MTMR4: variants seen among roughly 807,000 people sequenced by gnomAD.
MTMR4 encodes the protein phosphatidylinositol-3,5-bisphosphate 3-phosphatase MTMR4.
A neutral mutation model predicts 125.5 loss-of-function variants in MTMR4; 30 were observed. That is an observed-to-expected ratio of 0.24 (90% CI 0.18 to 0.32). MTMR4 has a LOEUF of 0.32. MTMR4 is among the 10% of genes least tolerant of loss of function. MTMR4 has a pLI of 1.00. For synonymous variants in MTMR4, 498 were observed against 564.5 expected (o/e 0.88, Z 1.67); for missense variants, 1,039 against 1,511.5 (o/e 0.69, Z 5.18).
In MTMR4 at chr17:58,512,552, C is replaced by A; in HGVS notation, c.136-46G>T. The A allele has an allele frequency of 1.4e-6, 2 of 1,445,986 alleles. No individual in the cohort carries two copies. Among genetic ancestry groups the A allele is most frequent in the Non-Finnish European group, 1.9e-6 (2 of 1,028,722 alleles). The allele number at this position is 1,445,986 out of a possible 1,614,324, so 89.6% of individuals were successfully genotyped here. ...CTTCAGTCCAGAAGTGAGTGACCAC[C>A]TTATCCTCTTCTACAGCCCCTGATC... On this transcript the variant is annotated intron_variant, in intron 2 of 17. Transcript: ENST00000682306. The surrounding 1 kb of genome is among the most constrained non-coding windows in gnomAD (Gnocchi z 4.1).
intron 7 of MTMR4, 79 bp from the exon 8 acceptor site, chr17:58,507,398 C>T: frequency 7.4e-7 from 1 of 1,345,726 alleles, no homozygotes; most frequent in South Asian, 1.4e-5. Flanking sequence ...AGACCAAAGT[C>T]TCTAGAGCCA....
intron 1 of MTMR4, among the ~76,000 whole-genome samples, chr17:58,513,282 T>C (rs2007993): frequency 0.19 from 28,611 of 151,904 alleles, 2,876 homozygotes; most frequent in Non-Finnish European, 0.22. Context: ...CGCATAAGGG[T>C]AAGGCAGGAG....
intron 8 of MTMR4, 121 bp from the exon 9 acceptor site, chr17:58,506,992 T>C: frequency 1.3e-6 from 2 of 1,551,136 alleles, no homozygotes; most frequent in East Asian, 2.3e-5. Context: ...CCCCACAGCT[T>C]CTGACAAGGC....
At chr17:58,511,559 C>T (rs1276793326) in intron 3 of MTMR4, 48 bp from the exon 4 acceptor site, 4 of 1,490,544 alleles carry the variant, frequency 2.7e-6, no homozygotes, top group African/African-American at 1.4e-5. Flanking sequence ...CTGGGTACCA[C>T]TCCTCACCCT....
chr17:58,498,420 C>A (rs1191051350), intron 14 of MTMR4, among the ~76,000 whole-genome samples: 1 of 149,790 alleles, frequency 6.7e-6, no homozygotes, highest in Non-Finnish European at 1.5e-5. Context: ...GCTAGGAGGT[C>A]AAGGAAGGCT....
chr17:58,511,351 C>A, intron 4 of MTMR4, 78 bp downstream of exon 4: 2 of 1,253,846 alleles, frequency 1.6e-6, no homozygotes, highest in Non-Finnish European at 2.2e-6. Flanking sequence ...TCCTCTCTTG[C>A]ACCAGAGAAA....
Position 58,495,214 on chromosome 17 carries a change from T to C in MTMR4, c.2970A>G (p.Gly990=). Residue 990 remains glycine, a synonymous_variant, in exon 15 of 18, where the codon GGA becomes GGG. Coordinates refer to ENST00000682306, the MANE Select transcript of MTMR4 (RefSeq NM_001378067.1). The part of the protein sequence containing the change: ...SHSNGHCTGP[G]GKNQMWLSSH... ...TGGACAACCACATCTGGTTCTTTCC[T>C]CCTGGGCCAGTACAATGTCCATTGG... is the stretch of plus-strand genomic sequence containing the variant. 1.2e-6 allele frequency: 2 copies of C among 1,614,216 alleles called. No homozygotes were observed. The highest frequency in any genetic ancestry group is 1.7e-6 in the Non-Finnish European group (2 of 1,180,048).
Position 58,506,884 on chromosome 17 carries a change from C to G in MTMR4, c.905-13G>C. 1 of 1,608,576 alleles carries G rather than the reference C, an allele frequency of 6.2e-7. No individual in the cohort carries two copies. The highest frequency in any genetic ancestry group is 8.5e-7 in the Non-Finnish European group (1 of 1,178,074). ...GTCAGAGAAGAATCTAAACACACAG[C>G]AGGAAGGAGTCCCTGAGTCAGCCAG... is the stretch of plus-strand genomic sequence containing the variant. On this transcript the variant is annotated splice_polypyrimidine_tract_variant and intron_variant, in intron 8 of 17. Coordinates refer to ENST00000682306, the MANE Select transcript of MTMR4 (RefSeq NM_001378067.1).
rs1161225184 is a variant in MTMR4, at chr17:58,508,560, C to T, written c.501G>A (p.Glu167=). ...CCGCCTCCTGTCGACAACGTATGTG[C>T]TCACCTGCAACAGAGCCCCCACGAT... The part of the protein sequence containing the change: ...DQHTHLCQPG[E]HIRCRQEAEL... Residue 167 remains glutamate (E), a synonymous_variant, in exon 6 of 18, where the codon GAG becomes GAA. Coordinates refer to ENST00000682306, the MANE Select transcript of MTMR4 (RefSeq NM_001378067.1). The surrounding 1 kb of genome is among the most constrained non-coding windows in gnomAD (Gnocchi z 4.8). The T allele has an allele frequency of 6.2e-7, 1 of 1,614,110 alleles. No individual in the cohort carries two copies. The highest frequency in any genetic ancestry group is 1.3e-5 in the African/African-American group (1 of 74,928).
At chr17:58,501,660 A>G (rs1159510939) in intron 14 of MTMR4, among the ~76,000 whole-genome samples, 1 of 151,558 alleles carries the variant, frequency 6.6e-6, no homozygotes, top group Non-Finnish European at 1.5e-5. Flanking sequence ...ACGGATATAT[A>G]TACATATATG....
At position 58,496,133 on chromosome 17, in the gene MTMR4, A is replaced by T. The variant is rs1975460888; in HGVS notation, c.2051T>A (p.Val684Glu). 6.2e-7 allele frequency: 1 copy of T among 1,614,064 alleles called. No homozygotes were observed. The highest frequency in any genetic ancestry group is 1.3e-5 in the African/African-American group (1 of 74,918). Residue 684 changes from valine to glutamate, a missense_variant, in exon 15 of 18, where the codon GTA (valine) becomes GAA (glutamate). This residue lies in a region of MTMR4 where 619 missense variants were observed against 714.5 expected (regional missense o/e 0.87). Transcript: ENST00000682306. The stretch of plus-strand genomic sequence containing the variant: ...AGGAGGAGGAAGACCCACTTCTCCT[A>T]CAGTTTGCTGAGGCCCTCCTACCCC... ...DSGVGGPQQT[V>E]GEVGLPPPLP...
Position 58,508,925 on chromosome 17 carries a change from G to T in MTMR4, c.336-84C>A. On this transcript the variant is annotated intron_variant, in intron 4 of 17. Transcript: ENST00000682306. The surrounding 1 kb of genome is among the most constrained non-coding windows in gnomAD (Gnocchi z 4.8). ...ATCAGGGCCAAAAACACAGCCACAG[G>T]AAGGCTGTGAGGAGAGAAGGCTGCA... 1 of 1,478,844 alleles carries T rather than the reference G, an allele frequency of 6.8e-7. No homozygotes were observed. Among genetic ancestry groups the T allele is most frequent in the Non-Finnish European group, 9.3e-7 (1 of 1,080,708 alleles). The allele number at this position is 1,478,844 out of a possible 1,614,324, so 91.6% of individuals were successfully genotyped here. A position where few individuals can be genotyped will look rare whatever the true frequency, so the allele number is the denominator to read the frequency against.
At chr17:58,511,397 AG>A in intron 4 of MTMR4, 31 bp downstream of exon 4, 1 of 1,578,888 alleles carries the variant, frequency 6.3e-7, no homozygotes, top group Admixed American at 1.7e-5. Context: ...GACTAGGGCC[AG>A]GGGACCTGAG....
Position 58,491,604 on chromosome 17 carries a change from C to T in MTMR4, c.*59G>A. ...CCACACCAAGGAACCTTCCAAACTA[C>T]AACTGAAGAAGATCCTCCCTTCAAA... On this transcript the variant is annotated 3_prime_UTR_variant, in exon 18 of 18. Coordinates refer to ENST00000682306, the MANE Select transcript of MTMR4 (RefSeq NM_001378067.1). The T allele has an allele frequency of 6.5e-7, 1 of 1,537,828 alleles. No homozygotes were observed. Among genetic ancestry groups the T allele is most frequent in the Non-Finnish European group, 8.9e-7 (1 of 1,125,616 alleles).
At chr17:58,492,468 C>T in intron 17 of MTMR4, 43 bp downstream of exon 17, 9 of 1,491,410 alleles carry the variant, frequency 6.0e-6, no homozygotes, top group Non-Finnish European at 8.0e-6. Flanking sequence ...TGCGCCTGGC[C>T]TGCCCTGTTT....
At chr17:58,506,065 A>G (rs1315337220) in intron 9 of MTMR4, among the ~76,000 whole-genome samples, 2 of 152,260 alleles carry the variant, frequency 1.3e-5, no homozygotes, top group African/African-American at 2.4e-5. Flanking sequence ...CTGGAGACTC[A>G]GGTGCCATAT....
chr17:58,492,181 T>C (rs1567924442), intron 17 of MTMR4, among the ~76,000 whole-genome samples: 1 of 152,244 alleles, frequency 6.6e-6, no homozygotes, highest in Non-Finnish European at 1.5e-5. Context: ...TTTTGTTTTT[T>C]GTCCTTTTTG....
intron 9 of MTMR4, 92 bp downstream of exon 9, chr17:58,506,651 C>G: frequency 6.6e-7 from 1 of 1,507,284 alleles, no homozygotes; most frequent in African/African-American, 1.4e-5. Context: ...TTTGTTTGGG[C>G]TCTTTCCACT....
chr17:58,512,472 T>C lies in MTMR4; in HGVS notation c.170A>G (p.Glu57Gly). Reference protein sequence around the residue: ...PFTVLQGEGVEFLGRAADALI... With the variant: ...PFTVLQGEGVGFLGRAADALI... ...GGCATCGGCTGCCCGGCCCAGGAACTCTACTCCCTCACCCTGCAGCACTGT... is the reference window on the plus strand; with the variant it reads ...GGCATCGGCTGCCCGGCCCAGGAACCCTACTCCCTCACCCTGCAGCACTGT... Residue 57 changes from glutamate to glycine, a missense_variant, in exon 3 of 18, where the codon GAG becomes GGG. This residue lies in a region of MTMR4 where 202 missense variants were observed against 311.9 expected (regional missense o/e 0.65). Coordinates refer to ENST00000682306, the MANE Select transcript of MTMR4 (RefSeq NM_001378067.1). The surrounding 1 kb of genome is among the most constrained non-coding windows in gnomAD (Gnocchi z 4.1). 6.2e-7 allele frequency: 1 copy of C among 1,614,142 alleles called. No individual in the cohort carries two copies. The highest frequency in any genetic ancestry group is 8.5e-7 in the Non-Finnish European group (1 of 1,180,016).
Sources: gnomAD v4.1 joint callset for allele counts (sites outside exome capture counted in the v4.1 genomes callset) on GRCh38, gnomAD v4.1.1 for gene constraint, gnomAD v4.1.1 regional missense constraint, Gnocchi (gnomAD v3.1) non-coding constraint, MANE v1.5 for transcripts, NCBI Gene and HGNC (gene_info 2026-07-23, HGNC 2026-07-21) for gene names.